Variants in NAV2 observed in about 807,000 individuals in gnomAD.
The protein encoded by NAV2 is neuron navigator 2.
Under a neutral mutation model 223.2 loss-of-function variants are expected in NAV2, and 54 were observed. That is an observed-to-expected ratio of 0.24 (90% CI 0.19 to 0.30). The LOEUF (loss-of-function observed/expected upper bound fraction) is 0.30, where lower values mean the gene tolerates loss of function less well. Among genes scored for constraint, NAV2 ranks in the 10% least tolerant of loss-of-function variants. NAV2 has a pLI of 1.00. For synonymous variants in NAV2, 1,279 were observed against 1,239.3 expected (o/e 1.03, Z -0.67); for missense variants, 2,806 against 3,147.5 (o/e 0.89, Z 2.60).
upstream of NAV2, among the ~76,000 whole-genome samples, chr11:19,708,453 C>A (rs943087548): frequency 6.6e-6 from 1 of 152,114 alleles, no homozygotes; most frequent in Admixed American, 6.5e-5. Context: ...TAGACTTTTC[C>A]CCCCAAGATC....
intron 1 of NAV2, among the ~76,000 whole-genome samples, chr11:19,592,233 T>C (rs1312535029): frequency 6.6e-6 from 1 of 152,122 alleles, no homozygotes; most frequent in Non-Finnish European, 1.5e-5. Context: ...TACCAGCTGC[T>C]TCAGCCACCT....
At chr11:19,955,154 C>G (rs1463237457) in intron 10 of NAV2, among the ~76,000 whole-genome samples, 2 of 152,140 alleles carry the variant, frequency 1.3e-5, no homozygotes, top group African/African-American at 4.8e-5. Flanking sequence ...CATCTGCAAT[C>G]CCAGCACTTT....
In NAV2 at chr11:19,712,898, C is replaced by A. The variant is rs1805405837; in HGVS notation, c.-798C>A. On this transcript the variant is annotated 5_prime_UTR_variant, in exon 1 of 38. Transcript: ENST00000349880. ...CTTCCCGGGAAGCGCGGCGGCCGCT[C>A]CCGAGCGCAGCCCTGCCCGGCCCGC... Among the ~76,000 whole-genome samples the A allele has an allele frequency of 2.0e-5, 3 of 151,208 alleles. No individual in the cohort carries two copies. The South Asian group carries it at 6.2e-4, about 31-fold the overall frequency.
intron 1 of NAV2, among the ~76,000 whole-genome samples, chr11:19,694,173 G>A (rs2049261969): frequency 6.6e-6 from 1 of 152,212 alleles, no homozygotes. Context: ...GTAAAGGAGA[G>A]GAGAGTAGGA....
intron 5 of NAV2, among the ~76,000 whole-genome samples, chr11:19,890,016 A>C (rs905840168): frequency 6.6e-6 from 1 of 152,216 alleles, no homozygotes; most frequent in African/African-American, 2.4e-5. Context: ...CTTTTATGCC[A>C]GTGTCCAATC....
intron 19 of NAV2, among the ~76,000 whole-genome samples, chr11:20,058,222 G>A (rs2058484314): frequency 6.6e-6 from 1 of 152,188 alleles, no homozygotes; most frequent in African/African-American, 2.4e-5. Context: ...GAACCTCCTT[G>A]TAATAATCAG....
At chr11:20,097,879 T>C in intron 31 of NAV2, 134 bp downstream of exon 31, 1 of 738,514 alleles carries the variant, frequency 1.4e-6, no homozygotes, top group South Asian at 2.2e-5. Flanking sequence ...TCTACCACAG[T>C]TACTCTATGC....
intron 1 of NAV2, among the ~76,000 whole-genome samples, chr11:19,773,227 T>C (rs192888112): frequency 1.1e-4 from 17 of 152,222 alleles, no homozygotes; most frequent in Admixed American, 1.0e-3. Flanking sequence ...GAGGCAGACA[T>C]GGGAGTGTTG....
intron 1 of NAV2, among the ~76,000 whole-genome samples, chr11:19,608,752 T>A (rs938926848): frequency 2.6e-5 from 4 of 152,246 alleles, no homozygotes; most frequent in African/African-American, 9.6e-5. Flanking sequence ...TGTAACAAAT[T>A]ACCACTAACT....
At chr11:20,072,781 AT>A (rs2059483488) in intron 22 of NAV2, among the ~76,000 whole-genome samples, 1 of 152,106 alleles carries the variant, frequency 6.6e-6, no homozygotes, top group African/African-American at 2.4e-5. Context: ...TTGCACATTG[AT>A]TTTGTATCCT....
chr11:19,591,098 A>T (rs978724706), intron 1 of NAV2: 2 of 152,216 alleles, frequency 1.3e-5, no homozygotes, highest in African/African-American at 4.8e-5. Flanking sequence ...ATTATTCTTT[A>T]ATATTTTTCT....
chr11:19,941,740 G>A (rs1209166864), intron 8 of NAV2, among the ~76,000 whole-genome samples: 2 of 152,042 alleles, frequency 1.3e-5, no homozygotes, highest in Non-Finnish European at 2.9e-5. Context: ...TTCAGCCTCT[G>A]CTTGAATATT....
chr11:20,011,917 A>G (rs2053591487), intron 11 of NAV2, among the ~76,000 whole-genome samples: 1 of 152,262 alleles, frequency 6.6e-6, no homozygotes, highest in Non-Finnish European at 1.5e-5. Context: ...GACCTAATGT[A>G]TGCACACTAG....
At chr11:19,425,882 A>G (rs530647535) in intron 1 of NAV2, among the ~76,000 whole-genome samples, 46 of 152,152 alleles carry the variant, frequency 3.0e-4, no homozygotes, top group Non-Finnish European at 5.6e-4. Context: ...TGATGTCAAG[A>G]CCCATATATC....
At chr11:19,527,647 C>A (rs2043884560) in intron 1 of NAV2, among the ~76,000 whole-genome samples, 1 of 150,460 alleles carries the variant, frequency 6.6e-6, no homozygotes, top group African/African-American at 2.5e-5. Context: ...GCAACTCTCT[C>A]CGCATCCAGC....
chr11:19,780,635 T>C (rs2056655077), intron 1 of NAV2, among the ~76,000 whole-genome samples: 1 of 152,252 alleles, frequency 6.6e-6, no homozygotes, highest in Non-Finnish European at 1.5e-5. Context: ...TCTTTGGTTT[T>C]CTCATTGTAA....
chr11:19,455,183 G>A (rs970730405), intron 1 of NAV2, among the ~76,000 whole-genome samples: 4 of 152,168 alleles, frequency 2.6e-5, no homozygotes, highest in Non-Finnish European at 5.9e-5. Context: ...CTGCCATAGC[G>A]AGATTAGATT....
intron 1 of NAV2, among the ~76,000 whole-genome samples, chr11:19,573,170 G>A (rs952024978): frequency 1.3e-5 from 2 of 152,096 alleles, no homozygotes; most frequent in East Asian, 3.9e-4. Context: ...ACATCTGTGT[G>A]GCTACCTTCA....
intron 1 of NAV2, among the ~76,000 whole-genome samples, chr11:19,395,397 T>C (rs1214226052): frequency 1.3e-5 from 2 of 152,226 alleles, no homozygotes; most frequent in African/African-American, 2.4e-5. Context: ...TAGAGAGGAC[T>C]CTTGTTTCTG....
Sources: gnomAD v4.1 joint callset for allele counts (sites outside exome capture counted in the v4.1 genomes callset) on GRCh38, gnomAD v4.1.1 for gene constraint, MANE v1.5 for transcripts, NCBI Gene and HGNC (gene_info 2026-07-23, HGNC 2026-07-21) for gene names.